The following ZNF215 variants were observed in gnomAD, a reference collection of about 807,000 sequenced individuals.
ZNF215 encodes the protein zinc finger protein 215.
A neutral mutation model predicts 27.2 loss-of-function variants in ZNF215; 24 were observed. The observed-to-expected ratio is 0.88, with a 90% CI of 0.64 to 1.24. ZNF215 has a LOEUF of 1.24. Among genes scored for constraint, ZNF215 ranks in the 50% most tolerant of loss-of-function variants. The pLI is 0.00. For synonymous variants in ZNF215, 210 were observed against 204.0 expected (o/e 1.03, Z -0.25); for missense variants, 675 against 605.7 (o/e 1.11, Z -1.20).
chr11:6,980,006 T>C lies in ZNF215; in HGVS notation c.806-4123T>C, dbSNP rs1850914632. On this transcript the variant is annotated intron_variant, in intron 5 of 5. Coordinates refer to the ZNF215 transcript ENST00000529903. ...AACATTAAAAAGCAACAAGTACACATGCACATGCGTGCAACACACAACAAA... is the reference window on the plus strand; with the variant it reads ...AACATTAAAAAGCAACAAGTACACACGCACATGCGTGCAACACACAACAAA... 2.0e-5 allele frequency among the ~76,000 whole-genome samples: 3 copies of C among 152,122 alleles called. No homozygotes were observed. In the South Asian group the frequency reaches 6.2e-4, roughly 31 times the overall value.
At chr11:6,971,552 A>T (rs924977793) in intron 5 of ZNF215, among the ~76,000 whole-genome samples, 5 of 152,210 alleles carry the variant, frequency 3.3e-5, no homozygotes, top group African/African-American at 1.2e-4. Context: ...AATGCCTATC[A>T]TAGAGAAAAC....
chr11:6,932,586 G>C lies in ZNF215; in HGVS notation c.314G>C (p.Arg105Thr). The change falls in exon 3 of 7, where the codon AGG becomes ACG. Residue 105 changes from arginine (R) to threonine (T), a missense_variant. Coordinates refer to ENST00000278319, the MANE Select transcript of ZNF215 (RefSeq NM_013250.4). ...CTGGCAATCCTGCCTGAAGAAGTCA[G>C]GACTTGGGTGAATTTACAACATCCA... ...QFLAILPEEV[R>T]TWVNLQHPNN... is the part of the protein sequence containing the mutation. 2 of 1,614,144 alleles carry C rather than the reference G, an allele frequency of 1.2e-6. No homozygotes were observed. The highest frequency in any genetic ancestry group is 4.5e-5 in the East Asian group (2 of 44,884).
intron 6 of ZNF215, among the ~76,000 whole-genome samples, chr11:6,945,547 C>T (rs1457373119): frequency 1.3e-5 from 2 of 152,196 alleles, no homozygotes; most frequent in African/African-American, 4.8e-5. Flanking sequence ...TTTTTAATGA[C>T]TTCATGTAGC....
intron 6 of ZNF215, among the ~76,000 whole-genome samples, chr11:6,954,391 C>T (rs1196243378): frequency 6.6e-6 from 1 of 152,256 alleles, no homozygotes; most frequent in Non-Finnish European, 1.5e-5. Flanking sequence ...GGGCTCCACC[C>T]AGTTCAAGCT....
downstream of ZNF215, among the ~76,000 whole-genome samples, chr11:6,985,718 C>T (rs551229419): frequency 2.6e-5 from 4 of 152,200 alleles, no homozygotes; most frequent in East Asian, 5.8e-4. Flanking sequence ...GTACAGAAAT[C>T]AGTAGCATTT....
In ZNF215 at chr11:6,956,783, G is replaced by A; in HGVS notation, c.*252G>A. 8.1e-7 allele frequency: 1 copy of A among 1,240,706 alleles called. No individual in the cohort carries two copies. The allele number at this position is 1,240,706 out of a possible 1,614,324, so 76.9% of individuals were successfully genotyped here. On this transcript the variant is annotated 3_prime_UTR_variant, in exon 7 of 7. Coordinates refer to ENST00000278319, the MANE Select transcript of ZNF215 (RefSeq NM_013250.4). The stretch of plus-strand genomic sequence containing the variant: ...CCACAGTATCACCATACAAGTATTT[G>A]TTTATCATTATTTTGATATCCATTA...
intron 6 of ZNF215, among the ~76,000 whole-genome samples, chr11:6,954,686 C>A (rs1590069899): frequency 6.6e-6 from 1 of 152,312 alleles, no homozygotes; most frequent in Middle Eastern, 3.4e-3. Context: ...CTTGCGCTTC[C>A]CGAGTGAAGC....
intron 5 of ZNF215, among the ~76,000 whole-genome samples, chr11:6,976,590 G>C (rs535541944): frequency 6.6e-6 from 1 of 152,156 alleles, no homozygotes; most frequent in South Asian, 2.1e-4. Flanking sequence ...AGGAGTTTTT[G>C]TTGTTGTTTT....
rs142000531 is a variant in ZNF215, at chr11:6,956,872, C to A, written c.*341C>A. On this transcript the variant is annotated 3_prime_UTR_variant, in exon 7 of 7. Coordinates refer to ENST00000278319, the MANE Select transcript of ZNF215 (RefSeq NM_013250.4). ...TACTAATATCCACCTGATTTATTGA[C>A]GAAGTAGACATTAGGCAAAGCCAAA... 4.9e-6 allele frequency: 5 copies of A among 1,011,206 alleles called. No individual in the cohort carries two copies. Among genetic ancestry groups the A allele is most frequent in the Non-Finnish European group, 5.9e-6 (5 of 846,248 alleles). The allele number at this position is 1,011,206 out of a possible 1,614,324, so 62.6% of individuals were successfully genotyped here. A position where few individuals can be genotyped will look rare whatever the true frequency, so the allele number is the denominator to read the frequency against.
intron 5 of ZNF215, among the ~76,000 whole-genome samples, chr11:6,973,584 C>G (rs920449091): frequency 6.6e-6 from 1 of 152,162 alleles, no homozygotes; most frequent in African/African-American, 2.4e-5. Flanking sequence ...TTAATGATCG[C>G]CATTCTAACT....
intron 6 of ZNF215, among the ~76,000 whole-genome samples, chr11:6,945,335 T>C (rs1231282095): frequency 6.6e-6 from 1 of 152,198 alleles, no homozygotes. Context: ...TTTAAACTTT[T>C]CTGGTCGTTA....
downstream of ZNF215, among the ~76,000 whole-genome samples, chr11:6,987,428 C>T (rs954384851): frequency 1.3e-5 from 2 of 152,120 alleles, no homozygotes; most frequent in Admixed American, 1.3e-4. Context: ...GTACTATACT[C>T]ACTAACTGGA....
chr11:6,926,571 A>C lies in ZNF215; in HGVS notation c.-440A>C, dbSNP rs1479749889. 1 of 152,296 alleles carries C rather than the reference A, an allele frequency of 6.6e-6. No homozygotes were observed. Among genetic ancestry groups the C allele is most frequent in the African/African-American group, 2.4e-5 (1 of 41,444 alleles). 9.4% of individuals were successfully genotyped at this position (152,296 alleles called of 1,614,324 possible). A position where few individuals can be genotyped will look rare whatever the true frequency, so the allele number is the denominator to read the frequency against. On this transcript the variant is annotated 5_prime_UTR_variant, in exon 1 of 7. Transcript: ENST00000278319. ...GCAATTTATGAAACTCGGAGCCGGC[A>C]GTGAGTTGAGGGTTCGGCGAGGTCA...
At chr11:6,981,965 G>T (rs933369007) in intron 5 of ZNF215, among the ~76,000 whole-genome samples, 3 of 151,936 alleles carry the variant, frequency 2.0e-5, no homozygotes, top group Non-Finnish European at 4.4e-5. Context: ...TCCATTGATC[G>T]ATATCTCTGG....
At chr11:6,964,495 C>A (rs1305866709) in intron 5 of ZNF215, among the ~76,000 whole-genome samples, 1 of 151,972 alleles carries the variant, frequency 6.6e-6, no homozygotes, top group Non-Finnish European at 1.5e-5. Flanking sequence ...AGTTTCTGTA[C>A]TATTTGTAGA....
chr11:6,935,197 G>T (rs1306903756), intron 3 of ZNF215, among the ~76,000 whole-genome samples: 2 of 152,190 alleles, frequency 1.3e-5, no homozygotes, highest in Non-Finnish European at 2.9e-5. Flanking sequence ...TTGAAAGCTC[G>T]CATGTATATC....
At chr11:6,961,725 A>G (rs1437827158), downstream of ZNF215, among the ~76,000 whole-genome samples, 1 of 152,138 alleles carries the variant, frequency 6.6e-6, no homozygotes, top group Admixed American at 6.6e-5. Flanking sequence ...CTCTTCTTCC[A>G]TATGTTCATT....
chr11:6,938,518 C>A (rs1389075062), intron 3 of ZNF215, among the ~76,000 whole-genome samples: 1 of 151,806 alleles, frequency 6.6e-6, no homozygotes, highest in Non-Finnish European at 1.5e-5. Context: ...AGATGTCCAT[C>A]AACTAATGAA....
intron 5 of ZNF215, among the ~76,000 whole-genome samples, chr11:6,972,408 CTTT>C (rs11299060): frequency 2.6e-4 from 39 of 148,518 alleles, no homozygotes; most frequent in Middle Eastern, 6.9e-3. Flanking sequence ...TCCTAGGAGA[CTTT>C]TTTTTTTTTT....
Sources: gnomAD v4.1 joint callset for allele counts (sites outside exome capture counted in the v4.1 genomes callset) on GRCh38, gnomAD v4.1.1 for gene constraint, MANE v1.5 for transcripts, NCBI Gene and HGNC (gene_info 2026-07-23, HGNC 2026-07-21) for gene names.